GJC1: variants seen among roughly 807,000 people sequenced by gnomAD.
The protein encoded by GJC1 is gap junction gamma-1 protein.
In GJC1, 5 loss-of-function variants were observed where a neutral mutation model predicts 29.3. The ratio of observed to expected loss-of-function variants is 0.17; its 90% CI spans 0.09 to 0.36. The LOEUF is 0.36. GJC1 is among the 10% of genes least tolerant of loss of function. The pLI is 1.00. For missense variants in GJC1, 310 were observed against 496.2 expected, an observed-to-expected ratio of 0.62 and a Z score of 3.56; for synonymous variants, 177 against 183.3, an observed-to-expected ratio of 0.97 and a Z score of 0.28.
At chr17:44,808,263 T>C (rs974480208) in intron 1 of GJC1, among the ~76,000 whole-genome samples, 1 of 148,736 alleles carries the variant, frequency 6.7e-6, no homozygotes, top group Non-Finnish European at 1.5e-5. Context: ...AAAGGAACAA[T>C]GGAAAAAAAA....
intron 2 of GJC1, among the ~76,000 whole-genome samples, chr17:44,806,483 T>G (rs2049915206): frequency 6.9e-6 from 1 of 144,686 alleles, no homozygotes; most frequent in Non-Finnish European, 1.5e-5. Context: ...CACTGCAACC[T>G]CCGCCTCCCA....
chr17:44,798,895 C>T lies in GJC1; in HGVS notation c.*5732G>A, dbSNP rs1441913802. 6.6e-6 allele frequency: 1 copy of T among 152,200 alleles called. No individual in the cohort carries two copies. Among genetic ancestry groups the T allele is most frequent in the East Asian group, 1.9e-4 (1 of 5,196 alleles). 9.4% of individuals were successfully genotyped at this position (152,200 alleles called of 1,614,324 possible). A position where few individuals can be genotyped will look rare whatever the true frequency, so the allele number is the denominator to read the frequency against. On this transcript the variant is annotated 3_prime_UTR_variant, in exon 3 of 3. Transcript: ENST00000592524. Reference sequence around the variant, plus strand: ...ACTAGTACCTTTTTTATTTGAGTCTCACTCCATCACCCAAGCTGGAGTGCA... The same window carrying T: ...ACTAGTACCTTTTTTATTTGAGTCTTACTCCATCACCCAAGCTGGAGTGCA...
chr17:44,797,893 G>C (rs2049793619), downstream of GJC1: 1 of 152,238 alleles, frequency 6.6e-6, no homozygotes, highest in Non-Finnish European at 1.5e-5. Flanking sequence ...GTGCTGCTGA[G>C]GGTGAGCTGT....
At chr17:44,823,217 CT>C in intron 1 of GJC1, among the ~76,000 whole-genome samples, 1 of 147,180 alleles carries the variant, frequency 6.8e-6, no homozygotes, top group Non-Finnish European at 1.5e-5. Context: ...AACATCAAAA[CT>C]TACTCTGAAA....
upstream of GJC1, chr17:44,830,592 C>G: frequency 2.5e-6 from 1 of 398,678 alleles, no homozygotes. This position sits in a 1 kb window ranked among gnomAD's most constrained non-coding sequence, Gnocchi z 4.3. Flanking sequence ...CCAGCCGCGC[C>G]TCAGTTTGAG....
chr17:44,819,663 T>TAAAA (rs2050085657), intron 1 of GJC1, among the ~76,000 whole-genome samples: 1 of 42,744 alleles, frequency 2.3e-5, no homozygotes, highest in Non-Finnish European at 5.4e-5. Flanking sequence ...GTCTCAAAAA[T>TAAAA]AAATAAATAA....
At chr17:44,796,804 TAC>T (rs10568870), downstream of GJC1, among the ~76,000 whole-genome samples, 131,539 of 150,822 alleles carry the variant, frequency 0.87, 57,452 homozygotes, top group Middle Eastern at 0.9. Context: ...GGATCTAAAA[TAC>T]ACACACACAC....
chr17:44,818,361 A>AT lies in GJC1; in HGVS notation c.-96-10893dup, dbSNP rs1229543085. ...TTTCTTGGTAGCTGGGGAGGAAGGA[A>AT]TAAACGGTATCTTTGACAAAAATGA... On this transcript the variant is annotated intron_variant, in intron 1 of 2. Transcript: ENST00000592524. Among the ~76,000 whole-genome samples the AT allele has an allele frequency of 3.3e-5, 5 of 152,318 alleles. No homozygotes were observed. In the South Asian group the frequency reaches 1.0e-3, roughly 32 times the overall value.
At chr17:44,809,754 G>C (rs536877230) in intron 1 of GJC1, among the ~76,000 whole-genome samples, 21 of 151,750 alleles carry the variant, frequency 1.4e-4, no homozygotes, top group African/African-American at 4.8e-4. Flanking sequence ...ATTTTTAGTA[G>C]AGACGGGGTT....
downstream of GJC1, among the ~76,000 whole-genome samples, chr17:44,798,161 C>A (rs1002911326): frequency 3.3e-5 from 5 of 152,148 alleles, no homozygotes; most frequent in Non-Finnish European, 7.3e-5. Context: ...AATATGCTGA[C>A]CTATTTAGCC....
Position 44,801,142 on chromosome 17 carries a change from T to C in GJC1, c.*3485A>G, listed in dbSNP as rs2145288172. ...ATTAAAAATACAAAAAAAATCAGCC[T>C]GGTATGGTGGTGGTGCCTGTAATCC... On this transcript the variant is annotated 3_prime_UTR_variant, in exon 3 of 3. Coordinates refer to ENST00000592524, the MANE Select transcript of GJC1 (RefSeq NM_005497.4). 1 of 151,972 alleles carries C rather than the reference T, an allele frequency of 6.6e-6. No homozygotes were observed. The highest frequency in any genetic ancestry group is 6.6e-5 in the Admixed American group (1 of 15,240). The allele number at this position is 151,972 out of a possible 1,614,324, so 9.4% of individuals were successfully genotyped here.
chr17:44,825,362 T>G (rs1055183491), intron 1 of GJC1, among the ~76,000 whole-genome samples: 3 of 151,790 alleles, frequency 2.0e-5, no homozygotes, highest in African/African-American at 7.3e-5. Flanking sequence ...TGGTGGTGCA[T>G]GCCTGTAATC....
At chr17:44,808,428 T>TACACACACAC (rs56999580) in intron 1 of GJC1, among the ~76,000 whole-genome samples, 9,960 of 147,452 alleles carry the variant, frequency 0.068, 388 homozygotes, top group African/African-American at 0.1. Context: ...CCCTGTCTCT[T>TACACACACAC]ACACACACAC....
downstream of GJC1, among the ~76,000 whole-genome samples, chr17:44,796,794 G>C (rs1314307425): frequency 2.8e-5 from 4 of 142,254 alleles, no homozygotes; most frequent in Non-Finnish European, 4.5e-5. Flanking sequence ...GGTCTGCAAT[G>C]GATCTAAAAT....
chr17:44,808,436 C>T (rs1443831629), intron 1 of GJC1, among the ~76,000 whole-genome samples: 2 of 151,314 alleles, frequency 1.3e-5, no homozygotes, highest in South Asian at 2.1e-4. Context: ...CTTACACACA[C>T]ACACACACAC....
intron 1 of GJC1, among the ~76,000 whole-genome samples, chr17:44,821,569 C>T (rs1353679587): frequency 1.3e-5 from 2 of 151,686 alleles, no homozygotes; most frequent in African/African-American, 2.4e-5. Flanking sequence ...TGGTGGCACA[C>T]GCCTGTAATC....
At position 44,811,712 on chromosome 17, in the gene GJC1, G is replaced by GA. The variant is rs202246551; in HGVS notation, c.-96-4244dup. 2.8e-3 allele frequency among the ~76,000 whole-genome samples: 422 copies of GA among 151,588 alleles called. 2 individuals carry two copies. Among genetic ancestry groups the GA allele is most frequent in the African/African-American group, 9.4e-3 (388 of 41,440 alleles). ...TCTTTCTCTTAATATAATTCTGTGGGAAAAAAAATAGGCCGGCGCGGTGGC... is the reference window on the plus strand; with the variant it reads ...TCTTTCTCTTAATATAATTCTGTGGGAAAAAAAAATAGGCCGGCGCGGTGGC... On this transcript the variant is annotated intron_variant, in intron 1 of 2. Coordinates refer to ENST00000592524, the MANE Select transcript of GJC1 (RefSeq NM_005497.4).
intron 1 of GJC1, among the ~76,000 whole-genome samples, chr17:44,810,355 T>C (rs1470829207): frequency 6.6e-6 from 1 of 152,220 alleles, no homozygotes; most frequent in Non-Finnish European, 1.5e-5. Flanking sequence ...GTTGAGCTTT[T>C]CAATAAAATT....
At chr17:44,816,043 G>A (rs1489021692) in intron 1 of GJC1, among the ~76,000 whole-genome samples, 1 of 149,692 alleles carries the variant, frequency 6.7e-6, no homozygotes, top group Non-Finnish European at 1.5e-5. Flanking sequence ...AACCCGGGAG[G>A]CGGAGCTTGC....
Sources: gnomAD v4.1 joint callset for allele counts (sites outside exome capture counted in the v4.1 genomes callset) on GRCh38, gnomAD v4.1.1 for gene constraint, Gnocchi (gnomAD v3.1) non-coding constraint, MANE v1.5 for transcripts, NCBI Gene and HGNC (gene_info 2026-07-23, HGNC 2026-07-21) for gene names.